IFTAP: variants seen among roughly 807,000 people sequenced by gnomAD.
The protein encoded by IFTAP is intraflagellar transport associated protein.
In IFTAP, 19 loss-of-function variants were observed where a neutral mutation model predicts 19.4. That is an observed-to-expected ratio of 0.98 (90% CI 0.68 to 1.44). IFTAP has a LOEUF of 1.44. Among genes scored for constraint, IFTAP ranks in the 40% most tolerant of loss-of-function variants. The pLI is 0.00. For synonymous variants in IFTAP, 85 were observed against 83.5 expected, an observed-to-expected ratio of 1.02 and a Z score of -0.10; for missense variants, 240 against 253.6, an observed-to-expected ratio of 0.95 and a Z score of 0.36.
intron 2 of IFTAP, among the ~76,000 whole-genome samples, chr11:36,614,882 T>C (rs1852014557): frequency 6.8e-6 from 1 of 147,748 alleles, no homozygotes; most frequent in Admixed American, 6.7e-5. Flanking sequence ...CTGTTCACTC[T>C]GATGGTAGTT....
chr11:36,657,833 G>A (rs1344568670), intron 5 of IFTAP, among the ~76,000 whole-genome samples: 1 of 152,140 alleles, frequency 6.6e-6, no homozygotes, highest in African/African-American at 2.4e-5. Flanking sequence ...GAAACCCAGT[G>A]GCAGTTTTGT....
At position 36,613,599 on chromosome 11, in the gene IFTAP, C is replaced by G. The variant is rs140339343; in HGVS notation, c.136+3360C>G. 6.3e-3 allele frequency among the ~76,000 whole-genome samples: 951 copies of G among 152,022 alleles called. 11 individuals carry two copies. The highest frequency in any genetic ancestry group is 0.022 in the African/African-American group (920 of 41,502). On this transcript the variant is annotated intron_variant, in intron 2 of 5. Coordinates refer to ENST00000334307, the MANE Select transcript of IFTAP (RefSeq NM_138787.4). The stretch of plus-strand genomic sequence containing the variant: ...GACTGAGAGCTTATAGGAGGGCCAC[C>G]CAGCCTGTGTTTGGAGGGACGGCAA...
chr11:36,640,608 G>A (rs1356486594), intron 4 of IFTAP, among the ~76,000 whole-genome samples: 1 of 152,106 alleles, frequency 6.6e-6, no homozygotes, highest in African/African-American at 2.4e-5. Context: ...AATAAAGTGA[G>A]CCTGTCTCTT....
chr11:36,644,523 C>T lies in IFTAP; in HGVS notation c.359-3493C>T, dbSNP rs560542938. On this transcript the variant is annotated intron_variant, in intron 4 of 5. Coordinates refer to ENST00000334307, the MANE Select transcript of IFTAP (RefSeq NM_138787.4). ...GGTATATACCCAAAGGATTATAAAT[C>T]GTGCTGCTATAAAGACACATGCACA... is the stretch of plus-strand genomic sequence containing the variant. Among the ~76,000 whole-genome samples, 18 of 152,256 alleles carry T rather than the reference C, an allele frequency of 1.2e-4. No homozygotes were observed. In the South Asian group the frequency reaches 2.9e-3, roughly 25 times the overall value.
intron 1 of IFTAP, among the ~76,000 whole-genome samples, chr11:36,601,180 C>T (rs907196659): frequency 2.0e-5 from 3 of 152,160 alleles, no homozygotes; most frequent in Admixed American, 2.0e-4. Flanking sequence ...CTTTTCATAG[C>T]ATTAGGATAA....
chr11:36,651,179 A>G (rs1005592518), intron 5 of IFTAP, among the ~76,000 whole-genome samples: 6 of 152,178 alleles, frequency 3.9e-5, no homozygotes, highest in African/African-American at 1.4e-4. Context: ...CCAACAGTGT[A>G]AAAGTGTTCC....
chr11:36,600,042 A>G (rs1851447967), intron 1 of IFTAP, among the ~76,000 whole-genome samples: 1 of 152,264 alleles, frequency 6.6e-6, no homozygotes, highest in South Asian at 2.1e-4. Flanking sequence ...GTCTCTTGAC[A>G]AGACTAGAAA....
Position 36,600,362 on chromosome 11 carries a change from C to T in IFTAP, c.-24+5770C>T, listed in dbSNP as rs115333552. ...TCACAGCAGGAGGTGAGCCGCAGGCCGGCAAGCCTTACTGCCTGAGCTCTG... is the reference window on the plus strand; with the variant it reads ...TCACAGCAGGAGGTGAGCCGCAGGCTGGCAAGCCTTACTGCCTGAGCTCTG... On this transcript the variant is annotated intron_variant, in intron 1 of 5. Transcript: ENST00000334307. 6.9e-3 allele frequency among the ~76,000 whole-genome samples: 1,053 copies of T among 152,316 alleles called. 12 individuals carry two copies. The highest frequency in any genetic ancestry group is 0.022 in the African/African-American group (921 of 41,572).
intron 4 of IFTAP, among the ~76,000 whole-genome samples, chr11:36,644,611 A>G (rs1853393106): frequency 6.6e-6 from 1 of 152,188 alleles, no homozygotes; most frequent in African/African-American, 2.4e-5. Context: ...AATGTCCAAC[A>G]ATGATAGACT....
rs766715609 is a variant in IFTAP at position 36,599,378 on chromosome 11, A to G, written c.-24+4786A>G. Among the ~76,000 whole-genome samples the G allele has an allele frequency of 9.9e-4, 151 of 152,286 alleles. 2 individuals are homozygous for G. The highest frequency in any genetic ancestry group is 1.8e-3 in the Non-Finnish European group (122 of 68,022). On this transcript the variant is annotated intron_variant, in intron 1 of 5. Coordinates refer to ENST00000334307, the MANE Select transcript of IFTAP (RefSeq NM_138787.4). ...ATTGTTGGTCATTTGATCAGTTTCC[A>G]TATGGCTTAGATGATAAAATGTAAT...
chr11:36,603,260 A>T (rs1851572626), intron 1 of IFTAP, among the ~76,000 whole-genome samples: 1 of 152,188 alleles, frequency 6.6e-6, no homozygotes, highest in Non-Finnish European at 1.5e-5. Context: ...AAATTTTTCA[A>T]GAGGAAAGTT....
intron 1 of IFTAP, among the ~76,000 whole-genome samples, chr11:36,607,054 A>G (rs7102864): frequency 0.11 from 17,255 of 152,160 alleles, 1,152 homozygotes; most frequent in African/African-American, 0.17. Context: ...TTTTGTTTTA[A>G]GTTGATACCC....
At chr11:36,647,947 G>A (rs980598562) in intron 4 of IFTAP, 69 bp from the exon 5 acceptor site, 2 of 1,545,442 alleles carry the variant, frequency 1.3e-6, no homozygotes, top group Non-Finnish European at 8.8e-7. Flanking sequence ...CGACTTCTGG[G>A]CATTTAAATG....
chr11:36,635,722 A>G (rs7128419), intron 3 of IFTAP, among the ~76,000 whole-genome samples: 23,471 of 152,210 alleles, frequency 0.15, 2,612 homozygotes, highest in African/African-American at 0.31. Flanking sequence ...ACTGTTTTCA[A>G]CTGTCATGGT....
chr11:36,641,396 A>C (rs1397554928), intron 4 of IFTAP, among the ~76,000 whole-genome samples: 1 of 152,218 alleles, frequency 6.6e-6, no homozygotes, highest in Non-Finnish European at 1.5e-5. Flanking sequence ...TAAACAAAAG[A>C]TCTTTGAGAT....
At chr11:36,621,370 C>G (rs1379404935) in intron 2 of IFTAP, among the ~76,000 whole-genome samples, 2 of 151,920 alleles carry the variant, frequency 1.3e-5, no homozygotes, top group Non-Finnish European at 2.9e-5. Context: ...AAAATCAAAC[C>G]ACAATCTGTC....
At chr11:36,635,632 G>A (rs1460224902) in intron 3 of IFTAP, among the ~76,000 whole-genome samples, 1 of 152,120 alleles carries the variant, frequency 6.6e-6, no homozygotes, top group Non-Finnish European at 1.5e-5. Flanking sequence ...AGAAAGCACG[G>A]TGTTATGACA....
At chr11:36,658,989 TG>T (rs1854108718) in intron 5 of IFTAP, 29 bp from the exon 6 acceptor site, 10 of 1,477,234 alleles carry the variant, frequency 6.8e-6, no homozygotes, top group African/African-American at 1.4e-5. Context: ...TGATTGTGTA[TG>T]TTTTTTCCTC....
At chr11:36,634,560 T>A (rs544367508) in intron 3 of IFTAP, among the ~76,000 whole-genome samples, 1 of 152,162 alleles carries the variant, frequency 6.6e-6, no homozygotes, top group Non-Finnish European at 1.5e-5. Flanking sequence ...GCTTCTTTAT[T>A]TTCAGTTGTT....
Sources: gnomAD v4.1 joint callset for allele counts (sites outside exome capture counted in the v4.1 genomes callset) on GRCh38, gnomAD v4.1.1 for gene constraint, MANE v1.5 for transcripts, NCBI Gene and HGNC (gene_info 2026-07-23, HGNC 2026-07-21) for gene names.